The following RIC3 variants were observed in gnomAD, a reference collection of about 807,000 sequenced individuals.
RIC3 encodes RIC3 acetylcholine receptor chaperone.
Under a neutral mutation model 27.3 loss-of-function variants are expected in RIC3, and 28 were observed. That is an observed-to-expected ratio of 1.02 (90% CI 0.76 to 1.41). The LOEUF is 1.41. Ranked by LOEUF, RIC3 falls within the 40% of genes most tolerant of loss-of-function variation. The pLI, the probability that RIC3 is intolerant of heterozygous loss-of-function variation, is 0.00. For synonymous variants in RIC3, 184 were observed against 160.4 expected (o/e 1.15, Z -1.11); for missense variants, 501 against 444.7 (o/e 1.13, Z -1.14).
chr11:8,156,187 A>G (rs1054909735), intron 1 of RIC3, among the ~76,000 whole-genome samples: 6 of 152,338 alleles, frequency 3.9e-5, no homozygotes, highest in South Asian at 4.1e-4. Context: ...CTAAAGCACA[A>G]TTCTAACTGG....
intron 1 of RIC3, among the ~76,000 whole-genome samples, 175 bp from the exon 2 acceptor site, chr11:8,140,368 T>C (rs1048279553): frequency 6.6e-6 from 1 of 152,148 alleles, no homozygotes; most frequent in African/African-American, 2.4e-5. Context: ...GATGTGATCA[T>C]CTCTAGCTGT....
In RIC3 at chr11:8,140,320, T is replaced by C. The variant is rs181595357; in HGVS notation, c.125-127A>G. On this transcript the variant is annotated intron_variant, in intron 1 of 5. Coordinates refer to ENST00000309737, the MANE Select transcript of RIC3 (RefSeq NM_001206671.4). The stretch of plus-strand genomic sequence containing the variant: ...GTAGAAGAAAAAAATGGCAACTTAA[T>C]TAAAAGGATACAGAGGTATCACACA... The C allele has an allele frequency of 1.3e-3, 1,028 of 798,778 alleles. 9 individuals are homozygous for C. In the African/African-American group the frequency reaches 0.016, roughly 13 times the overall value. The allele number at this position is 798,778 out of a possible 1,614,324, so 49.5% of individuals were successfully genotyped here. A position where few individuals can be genotyped will look rare whatever the true frequency, so the allele number is the denominator to read the frequency against.
At chr11:8,157,016 A>G (rs1366285209) in intron 1 of RIC3, among the ~76,000 whole-genome samples, 2 of 152,210 alleles carry the variant, frequency 1.3e-5, no homozygotes, top group Non-Finnish European at 2.9e-5. Context: ...TGGTATTATC[A>G]ACTAGGCATT....
At chr11:8,095,409 T>TCTTCC in the RIC3 span, 1 of 1,401,592 alleles carries the variant, frequency 7.1e-7, no homozygotes, top group South Asian at 1.4e-5. Context: ...GTTTCCCCAC[T>TCTTCC]CTTCCCTCAT....
intron 5 of RIC3, among the ~76,000 whole-genome samples, chr11:8,114,325 C>T (rs7110509): frequency 0.25 from 38,724 of 152,088 alleles, 5,031 homozygotes; most frequent in East Asian, 0.44. Context: ...AAGATACGGC[C>T]GGGCGTGATG....
the RIC3 span, among the ~76,000 whole-genome samples, chr11:8,099,447 C>T: frequency 6.6e-6 from 1 of 152,134 alleles, no homozygotes; most frequent in South Asian, 2.1e-4. Flanking sequence ...TTCTTGGAGG[C>T]CATCAGTAAG....
chr11:8,146,702 G>T (rs1949714424), intron 1 of RIC3, among the ~76,000 whole-genome samples: 1 of 146,698 alleles, frequency 6.8e-6, no homozygotes, highest in South Asian at 2.4e-4. Context: ...GTTTGGTCCA[G>T]AAAGGCAGGA....
At chr11:8,097,317 C>G in the RIC3 span, 3 of 1,614,168 alleles carry the variant, frequency 1.9e-6, no homozygotes, top group Non-Finnish European at 2.5e-6. Flanking sequence ...TGAGGCCGGC[C>G]CCCCAGGGTA....
At chr11:8,131,427 T>C (rs980060889) in intron 4 of RIC3, among the ~76,000 whole-genome samples, 7 of 152,214 alleles carry the variant, frequency 4.6e-5, no homozygotes, top group African/African-American at 1.2e-4. Flanking sequence ...AGTTGGGGGA[T>C]AGATGACAAA....
At chr11:8,094,153 G>A in the RIC3 span, 46 of 1,613,762 alleles carry the variant, frequency 2.9e-5, no homozygotes, top group East Asian at 5.3e-4. Flanking sequence ...GGGCCAGGGT[G>A]GCGCCGCTAG....
chr11:8,152,823 T>C (rs1590342734), intron 1 of RIC3, among the ~76,000 whole-genome samples: 1 of 152,260 alleles, frequency 6.6e-6, no homozygotes, highest in Middle Eastern at 3.4e-3. Flanking sequence ...CAAATTGTGG[T>C]CCTAATTCTG....
intron 1 of RIC3, among the ~76,000 whole-genome samples, chr11:8,153,161 T>C (rs1042978552): frequency 2.0e-5 from 3 of 152,174 alleles, no homozygotes; most frequent in African/African-American, 4.8e-5. Flanking sequence ...ATGGAACATA[T>C]AGACTAGATA....
chr11:8,101,319 G>A (rs1944291596), downstream of RIC3, among the ~76,000 whole-genome samples: 1 of 152,116 alleles, frequency 6.6e-6, no homozygotes, highest in South Asian at 2.1e-4. Context: ...CCTCTTTCCT[G>A]CCACTTCTCC....
intron 1 of RIC3, among the ~76,000 whole-genome samples, chr11:8,143,285 T>C (rs1347993983): frequency 6.6e-6 from 1 of 151,870 alleles, no homozygotes; most frequent in Non-Finnish European, 1.5e-5. Context: ...AACCCCATTG[T>C]CTCAGCCCAA....
Position 8,125,412 on chromosome 11 carries a change from G to A in RIC3, c.670+1247C>T, listed in dbSNP as rs536750845. ...CAGAAATGATAAAGAATTTGTACTC[G>A]GAATATATACAGAACTCTTGCAACC... On this transcript the variant is annotated intron_variant, in intron 5 of 5. Coordinates refer to ENST00000309737, the MANE Select transcript of RIC3 (RefSeq NM_001206671.4). Among the ~76,000 whole-genome samples the A allele has an allele frequency of 1.8e-4, 28 of 152,100 alleles. No homozygotes were observed. The South Asian group carries it at 5.4e-3, about 29-fold the overall frequency.
intron 1 of RIC3, among the ~76,000 whole-genome samples, chr11:8,152,639 A>G (rs1336094622): frequency 6.6e-6 from 1 of 152,202 alleles, no homozygotes; most frequent in Non-Finnish European, 1.5e-5. Flanking sequence ...TGTGATTTAA[A>G]AAGTTCTAAA....
At chr11:8,127,774 T>C (rs967767461) in intron 4 of RIC3, among the ~76,000 whole-genome samples, 3 of 152,200 alleles carry the variant, frequency 2.0e-5, no homozygotes, top group Non-Finnish European at 4.4e-5. Flanking sequence ...GGAAAAATGA[T>C]GTACTATGTA....
chr11:8,161,895 C>CAACCACTG (rs1565133291), intron 1 of RIC3, among the ~76,000 whole-genome samples: 2 of 147,496 alleles, frequency 1.4e-5, no homozygotes, highest in Admixed American at 1.4e-4. Context: ...GAAACTGTTG[C>CAACCACTG]TATAAATGAG....
chr11:8,166,276 G>A (rs1178811728), intron 1 of RIC3, among the ~76,000 whole-genome samples: 2 of 152,072 alleles, frequency 1.3e-5, no homozygotes, highest in South Asian at 2.1e-4. Flanking sequence ...CATGGAGTTC[G>A]CTCATTTTTT....
Sources: gnomAD v4.1 joint callset for allele counts (sites outside exome capture counted in the v4.1 genomes callset) on GRCh38, gnomAD v4.1.1 for gene constraint, MANE v1.5 for transcripts, NCBI Gene and HGNC (gene_info 2026-07-23, HGNC 2026-07-21) for gene names.